The following CACNA2D4 variants were observed in gnomAD, a reference collection of about 807,000 sequenced individuals.
CACNA2D4 encodes voltage-dependent calcium channel subunit alpha-2/delta-4.
In CACNA2D4, 157 loss-of-function variants were observed where a neutral mutation model predicts 163.8. That is an observed-to-expected ratio of 0.96 (90% CI 0.84 to 1.09). The LOEUF (loss-of-function observed/expected upper bound fraction) is 1.09, where lower values mean the gene tolerates loss of function less well. Among genes scored for constraint, CACNA2D4 ranks in the 50% least tolerant of loss-of-function variants. CACNA2D4 has a pLI of 0.00. For missense variants in CACNA2D4, 1,410 were observed against 1,479.9 expected (o/e 0.95, Z 0.78); for synonymous variants, 598 against 586.9 (o/e 1.02, Z -0.27).
intron 22 of CACNA2D4, 122 bp from the exon 23 acceptor site, chr12:1,854,166 C>T (rs1349571815): frequency 6.0e-6 from 4 of 663,212 alleles, no homozygotes; most frequent in Non-Finnish European, 9.6e-6. Flanking sequence ...ACATGTAAAA[C>T]TATCTCTGTG....
chr12:1,901,133 G>A (rs1866527169), intron 6 of CACNA2D4, among the ~76,000 whole-genome samples: 1 of 152,044 alleles, frequency 6.6e-6, no homozygotes, highest in African/African-American at 2.4e-5. Flanking sequence ...GAAGGAAATT[G>A]AAAAATTTCT....
At chr12:1,851,985 A>G (rs1366389847) in intron 23 of CACNA2D4, among the ~76,000 whole-genome samples, 1 of 151,850 alleles carries the variant, frequency 6.6e-6, no homozygotes, top group Non-Finnish European at 1.5e-5. Flanking sequence ...TTTATCATGT[A>G]TTATTTCTTG....
intron 6 of CACNA2D4, among the ~76,000 whole-genome samples, chr12:1,892,924 T>C (rs1166281043): frequency 6.6e-6 from 1 of 151,934 alleles, no homozygotes; most frequent in Non-Finnish European, 1.5e-5. Context: ...GACAAAAGGA[T>C]CAAGTTAGCA....
chr12:1,881,785 G>A (rs1197670702), intron 13 of CACNA2D4, among the ~76,000 whole-genome samples: 2 of 152,284 alleles, frequency 1.3e-5, no homozygotes, highest in African/African-American at 4.8e-5. Context: ...GACATCTGCT[G>A]AGCATGGCCG....
chr12:1,898,243 A>G (rs775948554), intron 6 of CACNA2D4, among the ~76,000 whole-genome samples: 6 of 152,160 alleles, frequency 3.9e-5, no homozygotes, highest in Non-Finnish European at 8.8e-5. Flanking sequence ...CATCAAAATT[A>G]AAAACCTGTA....
In CACNA2D4 at chr12:1,883,522, G is replaced by A. The variant is rs537434983; in HGVS notation, c.1352-522C>T. On this transcript the variant is annotated intron_variant, in intron 12 of 37. Transcript: ENST00000382722. This position sits in a 1 kb window ranked among gnomAD's most constrained non-coding sequence, Gnocchi z 4.5. ...GGTGACACTCCAAAGCGCAGATGGC[G>A]CAGAAGGCTGTGAATGGCCTCTCCA... 1.7e-4 allele frequency among the ~76,000 whole-genome samples: 26 copies of A among 152,258 alleles called. No homozygotes were observed. The highest frequency in any genetic ancestry group is 8.3e-4 in the South Asian group (4 of 4,830).
intron 26 of CACNA2D4, among the ~76,000 whole-genome samples, chr12:1,830,659 T>A (rs1031652702): frequency 2.0e-5 from 3 of 152,148 alleles, no homozygotes; most frequent in African/African-American, 7.2e-5. Flanking sequence ...TCTGGCTGAG[T>A]CTGCAGGGTC....
rs184248184 is a variant in CACNA2D4 at position 1,848,632 on chromosome 12, G to C, written c.2247-1943C>G. 3.9e-5 allele frequency among the ~76,000 whole-genome samples: 6 copies of C among 152,058 alleles called. No individual in the cohort carries two copies. The East Asian group carries it at 1.2e-3, about 29-fold the overall frequency. ...GCAGGATAAATAATTTATTCTTTTT[G>C]TTTCTTTGTTAGGTTTTAGAATAAT... is the stretch of plus-strand genomic sequence containing the variant. On this transcript the variant is annotated intron_variant, in intron 23 of 37. Coordinates refer to ENST00000382722, the MANE Select transcript of CACNA2D4 (RefSeq NM_172364.5).
Position 1,854,045 on chromosome 12 carries a change from C to T in CACNA2D4, c.2153-1G>A. On this transcript the variant is annotated splice_acceptor_variant, in intron 22 of 37. Coordinates refer to ENST00000382722, the MANE Select transcript of CACNA2D4 (RefSeq NM_172364.5). LOFTEE classifies it high-confidence loss of function. ...ACCTCCCGGACCAGCTCCTCGTCAC[C>T]TGGGTGCAAAACATCAGGGAACCAG... 6.2e-7 allele frequency: 1 copy of T among 1,606,944 alleles called. No individual in the cohort carries two copies. Among genetic ancestry groups the T allele is most frequent in the South Asian group, 1.1e-5 (1 of 89,912 alleles).
chr12:1,918,589 C>A lies in CACNA2D4; in HGVS notation c.-116G>T, dbSNP rs1183795606. The A allele has an allele frequency of 2.7e-6, 2 of 743,038 alleles. No individual in the cohort carries two copies. The highest frequency in any genetic ancestry group is 4.4e-6 in the Non-Finnish European group (2 of 450,916). The allele number at this position is 743,038 out of a possible 1,614,324, so 46.0% of individuals were successfully genotyped here. ...CCTGGGTGGGGAGGGCTTCTCTCTG[C>A]CCCACAGCTGCAGCTCACAGAAGAG... On this transcript the variant is annotated 5_prime_UTR_variant, in exon 1 of 38. Transcript: ENST00000382722.
intron 6 of CACNA2D4, among the ~76,000 whole-genome samples, chr12:1,901,844 A>G (rs890275187): frequency 3.9e-5 from 6 of 152,164 alleles, no homozygotes; most frequent in Non-Finnish European, 8.8e-5. Context: ...TTCCAAACTC[A>G]GTACACAAGG....
rs1236864447 is a variant in CACNA2D4 at position 1,853,976 on chromosome 12, T to A, written c.2221A>T (p.Thr741Ser). 6.2e-7 allele frequency: 1 copy of A among 1,613,222 alleles called. No homozygotes were observed. Among genetic ancestry groups the A allele is most frequent in the East Asian group, 2.2e-5 (1 of 44,864 alleles). ...VVTAPMEAYW[T>S]ALALNMSEES... The stretch of plus-strand genomic sequence containing the variant: ...TCGGACATGTTGAGGGCCAGCGCTG[T>A]CCAGTAGGCTTCCATGGGGGCTGTC... Residue 741 changes from threonine to serine, a missense_variant, in exon 23 of 38, where the codon ACA becomes TCA. Transcript: ENST00000382722.
intron 13 of CACNA2D4, among the ~76,000 whole-genome samples, chr12:1,880,709 C>T (rs1056901043): frequency 2.6e-5 from 4 of 152,270 alleles, no homozygotes; most frequent in Non-Finnish European, 4.4e-5. Flanking sequence ...TTGGCCACCA[C>T]GTCTCTTTCT....
intron 4 of CACNA2D4, 51 bp from the exon 5 acceptor site, chr12:1,908,088 C>A (rs1321867594): frequency 3.9e-6 from 6 of 1,555,582 alleles, no homozygotes; most frequent in African/African-American, 2.7e-5. Flanking sequence ...CCGGGACAGG[C>A]GGAGAGAGAG....
At chr12:1,864,015 G>A (rs920618590) in intron 18 of CACNA2D4, among the ~76,000 whole-genome samples, 1 of 152,230 alleles carries the variant, frequency 6.6e-6, no homozygotes, top group Non-Finnish European at 1.5e-5. Context: ...GAACGTGGCC[G>A]CCAGCCGTGA....
intron 2 of CACNA2D4, among the ~76,000 whole-genome samples, chr12:1,913,701 A>C (rs1866890258): frequency 6.6e-6 from 1 of 152,188 alleles, no homozygotes; most frequent in South Asian, 2.1e-4. Context: ...GAGCCCAGGA[A>C]AGCCTGGAAT....
Position 1,878,183 on chromosome 12 carries a change from A to AT in CACNA2D4, c.1719+131dup, listed in dbSNP as rs374395390. ...AAAACAGGGACCATGACTCGAATAC[A>AT]TTTTTTTTCTCATATTACCCACTGG... On this transcript the variant is annotated intron_variant, in intron 16 of 37. Coordinates refer to ENST00000382722, the MANE Select transcript of CACNA2D4 (RefSeq NM_172364.5). The surrounding 1 kb of genome is among the most constrained non-coding windows in gnomAD (Gnocchi z 4.6). The AT allele has an allele frequency of 8.8e-4, 895 of 1,016,660 alleles. 2 individuals are homozygous for AT. In the African/African-American group the frequency reaches 0.012, roughly 14 times the overall value. The allele number at this position is 1,016,660 out of a possible 1,614,324, so 63.0% of individuals were successfully genotyped here. A position where few individuals can be genotyped will look rare whatever the true frequency, so the allele number is the denominator to read the frequency against.
At chr12:1,810,977 G>A (rs1273768116) in intron 27 of CACNA2D4, among the ~76,000 whole-genome samples, 1 of 152,188 alleles carries the variant, frequency 6.6e-6, no homozygotes, top group Non-Finnish European at 1.5e-5. Context: ...CCCAGGCCTC[G>A]TTGCTGGTGT....
At chr12:1,896,633 ACACACAC>A (rs1565734670) in intron 6 of CACNA2D4, among the ~76,000 whole-genome samples, 8 of 143,118 alleles carry the variant, frequency 5.6e-5, no homozygotes, top group East Asian at 1.9e-4. Flanking sequence ...ACACACACAC[ACACACAC>A]ACACACACAC....
Sources: gnomAD v4.1 joint callset for allele counts (sites outside exome capture counted in the v4.1 genomes callset) on GRCh38, gnomAD v4.1.1 for gene constraint, Gnocchi (gnomAD v3.1) non-coding constraint, MANE v1.5 for transcripts, NCBI Gene and HGNC (gene_info 2026-07-23, HGNC 2026-07-21) for gene names.